BRAP: variants seen among roughly 807,000 people sequenced by gnomAD.
BRAP encodes BRCA1-associated protein.
BRAP carries 42 observed loss-of-function variants against 73.4 expected under a neutral mutation model. The observed-to-expected ratio is 0.57, with a 90% confidence interval of 0.45 to 0.74. The LOEUF (loss-of-function observed/expected upper bound fraction) is 0.74. Ranked by LOEUF, BRAP falls within the 30% of genes least tolerant of loss-of-function variation. The pLI is 0.00. For missense variants in BRAP, 593 were observed against 751.4 expected, an observed-to-expected ratio of 0.79 and a Z score of 2.46; for synonymous variants, 255 against 267.4, an observed-to-expected ratio of 0.95 and a Z score of 0.45.
Position 111,681,833 on chromosome 12 carries a change from C to T in BRAP, c.247G>A (p.Glu83Lys). The change falls in exon 3 of 12, where the codon GAA becomes AAA. Residue 83 changes from glutamate (E) to lysine (K), a missense_variant and splice_region_variant. This residue lies in a region of BRAP where 304 missense variants were observed against 337.7 expected (regional missense o/e 0.90). Transcript: ENST00000419234. The part of the protein sequence containing the change: ...IIETMKSNPD[E>K]LKTTVEERKS... ...CTTTCTTCCACTGTAGTTTTTAGTT[C>T]ATCTTTCACCAGTTAAAAAATAGCA... 3 of 1,601,936 alleles carry T rather than the reference C, an allele frequency of 1.9e-6. No individual in the cohort carries two copies. Among genetic ancestry groups the T allele is most frequent in the South Asian group, 2.2e-5 (2 of 89,266 alleles).
intron 4 of BRAP, among the ~76,000 whole-genome samples, chr12:111,678,900 T>C (rs1317969585): frequency 6.6e-6 from 1 of 151,412 alleles, no homozygotes; most frequent in East Asian, 2.0e-4. Flanking sequence ...GGCAGGAGGA[T>C]TGCTTGAGGC....
chr12:111,651,745 C>A (rs535710931), intron 10 of BRAP, among the ~76,000 whole-genome samples: 6 of 145,688 alleles, frequency 4.1e-5, no homozygotes, highest in Middle Eastern at 3.6e-3. Flanking sequence ...TCAAGCAATT[C>A]TCCTGCCTCA....
At chr12:111,651,248 A>C (rs1022253866) in intron 10 of BRAP, among the ~76,000 whole-genome samples, 2 of 151,698 alleles carry the variant, frequency 1.3e-5, no homozygotes, top group African/African-American at 4.8e-5. Flanking sequence ...TAATAATAAT[A>C]ATAATAATAG....
chr12:111,678,348 T>G (rs932022268), intron 4 of BRAP, among the ~76,000 whole-genome samples: 8 of 149,646 alleles, frequency 5.3e-5, no homozygotes, highest in African/African-American at 2.0e-4. Flanking sequence ...TTTTCTGGAA[T>G]AGTTACCGCT....
In BRAP at chr12:111,644,017, G is replaced by C. The variant is rs1885999149; in HGVS notation, c.*182C>G. ...TTTCGAACGCAGCGCCTTTCTATCAGCTCTCCAGTCAGCACCCTTTACATT... is the reference window on the plus strand; with the variant it reads ...TTTCGAACGCAGCGCCTTTCTATCACCTCTCCAGTCAGCACCCTTTACATT... On this transcript the variant is annotated 3_prime_UTR_variant, in exon 12 of 12. Transcript: ENST00000419234. 1 of 961,756 alleles carries C rather than the reference G, an allele frequency of 1.0e-6. No individual in the cohort carries two copies. The highest frequency in any genetic ancestry group is 1.5e-6 in the Non-Finnish European group (1 of 673,504). 59.6% of individuals were successfully genotyped at this position (961,756 alleles called of 1,614,324 possible).
chr12:111,659,904 A>G (rs766862439), intron 7 of BRAP, among the ~76,000 whole-genome samples: 1 of 152,022 alleles, frequency 6.6e-6, no homozygotes, highest in Non-Finnish European at 1.5e-5. Context: ...TAGAAAAAAC[A>G]AAAACAAAAC....
chr12:111,653,009 C>T (rs1042158312), intron 10 of BRAP, among the ~76,000 whole-genome samples: 2 of 152,138 alleles, frequency 1.3e-5, no homozygotes, highest in Admixed American at 6.6e-5. Flanking sequence ...TGTGCCCGGC[C>T]AACCCCCCGA....
intron 5 of BRAP, among the ~76,000 whole-genome samples, chr12:111,671,626 G>C (rs1368709564): frequency 1.3e-5 from 2 of 151,788 alleles, no homozygotes; most frequent in Admixed American, 1.3e-4. Flanking sequence ...GGAAGGCCAT[G>C]GTGGGAAAAA....
At chr12:111,679,647 G>A (rs1172304440) in intron 3 of BRAP, among the ~76,000 whole-genome samples, 1 of 151,772 alleles carries the variant, frequency 6.6e-6, no homozygotes, top group Non-Finnish European at 1.5e-5. Context: ...AGGCCGAGGC[G>A]GGTGGATCAC....
rs924009575 is a variant in BRAP, at chr12:111,644,128, T to A, written c.*71A>T. 5 of 1,533,046 alleles carry A rather than the reference T, an allele frequency of 3.3e-6. No individual in the cohort carries two copies. The highest frequency in any genetic ancestry group is 4.4e-6 in the Non-Finnish European group (5 of 1,145,446). The allele number at this position is 1,533,046 out of a possible 1,614,324, so 95.0% of individuals were successfully genotyped here. A position where few individuals can be genotyped will look rare whatever the true frequency, so the allele number is the denominator to read the frequency against. On this transcript the variant is annotated 3_prime_UTR_variant, in exon 12 of 12. Coordinates refer to ENST00000419234, the MANE Select transcript of BRAP (RefSeq NM_006768.5). ...ACTTATTAGGGCCCACCCTCACATTTAGCTGAAGGTCCCAGCACACTCTCA... is the reference window on the plus strand; with the variant it reads ...ACTTATTAGGGCCCACCCTCACATTAAGCTGAAGGTCCCAGCACACTCTCA...
At chr12:111,675,453 G>T (rs1176720217) in intron 4 of BRAP, among the ~76,000 whole-genome samples, 4 of 149,340 alleles carry the variant, frequency 2.7e-5, no homozygotes, top group African/African-American at 9.9e-5. Flanking sequence ...CTTGGTATTA[G>T]AAATGCACCT....
chr12:111,685,497 A>C (rs1887784635), intron 1 of BRAP: 6 of 1,174,960 alleles, frequency 5.1e-6, no homozygotes, highest in Non-Finnish European at 5.6e-6. Flanking sequence ...CTCAGACGGC[A>C]CAGGGAGGGA....
chr12:111,681,486 C>G lies in BRAP; in HGVS notation c.443+151G>C, dbSNP rs1397887404. On this transcript the variant is annotated intron_variant, in intron 3 of 11. Transcript: ENST00000419234. ...ACAAGATTAATCAAATGTAAAACAT[C>G]TGAGAATTCTCTAACATACAACAGA... The G allele has an allele frequency of 8.5e-6, 5 of 591,296 alleles. No individual in the cohort carries two copies. In the South Asian group the frequency reaches 1.3e-4, roughly 16 times the overall value. 36.6% of individuals were successfully genotyped at this position (591,296 alleles called of 1,614,324 possible). A position where few individuals can be genotyped will look rare whatever the true frequency, so the allele number is the denominator to read the frequency against.
At chr12:111,658,969 G>T in intron 8 of BRAP, 124 bp from the exon 9 acceptor site, 1 of 845,986 alleles carries the variant, frequency 1.2e-6, no homozygotes, top group South Asian at 1.9e-5. Context: ...CTTTAAAAGT[G>T]TCAAATCATT....
chr12:111,685,563 T>C, intron 1 of BRAP, 148 bp downstream of exon 1: 1 of 1,353,152 alleles, frequency 7.4e-7, no homozygotes, highest in South Asian at 1.7e-5. Flanking sequence ...CAAAGGCGGA[T>C]GGGAAAGAGA....
At chr12:111,649,906 C>A (rs1405813589) in intron 11 of BRAP, 33 bp downstream of exon 11, 8 of 1,407,532 alleles carry the variant, frequency 5.7e-6, no homozygotes, top group Non-Finnish European at 7.9e-6. Flanking sequence ...GTTTATAGAG[C>A]CTGTTACAAC....
chr12:111,672,800 A>G, intron 4 of BRAP, 26 bp from the exon 5 acceptor site: 1 of 1,580,478 alleles, frequency 6.3e-7, no homozygotes, highest in South Asian at 1.1e-5. Context: ...GGGAAAAGGA[A>G]AAAAATTAAG....
intron 11 of BRAP, among the ~76,000 whole-genome samples, chr12:111,645,080 A>AT (rs959811211): frequency 5.9e-4 from 79 of 133,932 alleles, no homozygotes; most frequent in Non-Finnish European, 1.9e-4. Context: ...TTATTTATTT[A>AT]TTTTTTGAGA....
chr12:111,670,779 C>T (rs549378583), intron 5 of BRAP, among the ~76,000 whole-genome samples: 5 of 151,792 alleles, frequency 3.3e-5, no homozygotes, highest in Admixed American at 3.3e-4. Context: ...CATGAGACAT[C>T]GCATCTGGCC....
Sources: gnomAD v4.1 joint callset for allele counts (sites outside exome capture counted in the v4.1 genomes callset) on GRCh38, gnomAD v4.1.1 for gene constraint, gnomAD v4.1.1 regional missense constraint, MANE v1.5 for transcripts, NCBI Gene and HGNC (gene_info 2026-07-23, HGNC 2026-07-21) for gene names.